ZBTB20: variants seen among roughly 807,000 people sequenced by gnomAD.
ZBTB20 encodes the protein zinc finger and BTB domain containing 20.
A neutral mutation model predicts 56.9 loss-of-function variants in ZBTB20; 9 were observed. The ratio of observed to expected loss-of-function variants is 0.16; its 90% confidence interval spans 0.10 to 0.28. ZBTB20 has a LOEUF of 0.28. Ranked by LOEUF, ZBTB20 falls within the 10% of genes least tolerant of loss-of-function variation. The pLI is 1.00. For missense variants in ZBTB20, 655 were observed against 1,003.0 expected (o/e 0.65, Z 4.69); for synonymous variants, 417 against 420.7 (o/e 0.99, Z 0.11).
chr3:114,700,639 A>G (rs1276258384), intron 5 of ZBTB20, among the ~76,000 whole-genome samples: 1 of 152,118 alleles, frequency 6.6e-6, no homozygotes, highest in Non-Finnish European at 1.5e-5. Context: ...GCAGGAGGAG[A>G]TTCAGAGAAA....
intron 2 of ZBTB20, among the ~76,000 whole-genome samples, chr3:115,065,308 T>G (rs1341217882): frequency 1.3e-5 from 2 of 152,206 alleles, no homozygotes; most frequent in African/African-American, 2.4e-5. Context: ...ATACTTTATT[T>G]CTACTTCAGC....
At chr3:115,141,405 A>G (rs1410068395) in intron 1 of ZBTB20, among the ~76,000 whole-genome samples, 1 of 152,196 alleles carries the variant, frequency 6.6e-6, no homozygotes, top group Non-Finnish European at 1.5e-5. Context: ...AAGACACCCA[A>G]AATTCAGAAT....
chr3:114,482,576 G>A (rs2041679130), intron 7 of ZBTB20, among the ~76,000 whole-genome samples: 1 of 152,006 alleles, frequency 6.6e-6, no homozygotes. Context: ...TTTTTTGGCA[G>A]GGTTTAAAAT....
chr3:114,962,982 G>GT (rs1368306657), intron 3 of ZBTB20, among the ~76,000 whole-genome samples: 1 of 151,806 alleles, frequency 6.6e-6, no homozygotes, highest in Non-Finnish European at 1.5e-5. Flanking sequence ...TTTAAGCCTA[G>GT]TTTTTTTGTA....
chr3:114,684,076 A>C lies in ZBTB20; in HGVS notation c.-295+9452T>G, dbSNP rs146894759. Reference sequence around the variant, plus strand: ...CCTGCATGAAGTCAGACTTTGGGACAGTAAATCCTACACTGTCCAGCTAAG... The same window carrying C: ...CCTGCATGAAGTCAGACTTTGGGACCGTAAATCCTACACTGTCCAGCTAAG... On this transcript the variant is annotated intron_variant, in intron 6 of 11. Transcript: ENST00000675478. 3.2e-3 allele frequency among the ~76,000 whole-genome samples: 489 copies of C among 152,332 alleles called. 3 individuals carry two copies. Among genetic ancestry groups the C allele is most frequent in the African/African-American group, 0.011 (462 of 41,592 alleles).
chr3:114,527,674 T>C (rs2047382629), intron 6 of ZBTB20, among the ~76,000 whole-genome samples: 1 of 152,236 alleles, frequency 6.6e-6, no homozygotes, highest in African/African-American at 2.4e-5. Context: ...TTTAACAACA[T>C]ATATTTACCA....
At chr3:114,403,300 A>G (rs563113072) in intron 7 of ZBTB20, among the ~76,000 whole-genome samples, 2 of 152,254 alleles carry the variant, frequency 1.3e-5, no homozygotes, top group African/African-American at 4.8e-5. Context: ...ACTGAACAAA[A>G]TATCAGTAAA....
At chr3:114,669,044 C>G (rs2061215885) in intron 6 of ZBTB20, among the ~76,000 whole-genome samples, 1 of 152,102 alleles carries the variant, frequency 6.6e-6, no homozygotes, top group African/African-American at 2.4e-5. Context: ...ACTACCAATT[C>G]AGTGGTTCTT....
intron 6 of ZBTB20, among the ~76,000 whole-genome samples, chr3:114,620,344 G>A (rs941656373): frequency 6.6e-6 from 1 of 151,992 alleles, no homozygotes; most frequent in Non-Finnish European, 1.5e-5. Context: ...ACAGGCTGGA[G>A]TGCAATGGCA....
At chr3:114,579,429 G>A (rs2054418320) in intron 6 of ZBTB20, among the ~76,000 whole-genome samples, 1 of 150,884 alleles carries the variant, frequency 6.6e-6, no homozygotes, top group Non-Finnish European at 1.5e-5. Context: ...TGAGAAACCA[G>A]GAGAAAAATT....
chr3:114,718,040 A>C (rs1001180461), intron 5 of ZBTB20, among the ~76,000 whole-genome samples: 19 of 152,140 alleles, frequency 1.2e-4, no homozygotes, highest in Admixed American at 1.2e-3. Context: ...GTGGACTGTC[A>C]GATGTTTTGA....
At chr3:114,714,412 G>A (rs2064312174) in intron 5 of ZBTB20, among the ~76,000 whole-genome samples, 1 of 152,128 alleles carries the variant, frequency 6.6e-6, no homozygotes, top group Admixed American at 6.5e-5. Flanking sequence ...TAAACTGGCT[G>A]AAGCCCAGGT....
At chr3:114,948,004 A>T (rs1439626086) in intron 3 of ZBTB20, among the ~76,000 whole-genome samples, 3 of 145,878 alleles carry the variant, frequency 2.1e-5, no homozygotes, top group Admixed American at 1.3e-4. Context: ...AAGAACATTA[A>T]GAGAAGGTAA....
chr3:114,978,780 T>C (rs1205980584), intron 2 of ZBTB20, among the ~76,000 whole-genome samples: 1 of 151,962 alleles, frequency 6.6e-6, no homozygotes, highest in Non-Finnish European at 1.5e-5. Flanking sequence ...ACAGTTTTTT[T>C]CTTCTTAGAA....
chr3:114,897,925 C>T (rs560305622), intron 4 of ZBTB20, among the ~76,000 whole-genome samples: 6 of 152,180 alleles, frequency 3.9e-5, no homozygotes, highest in Admixed American at 1.3e-4. Context: ...CCACACAAAA[C>T]GGAACATTAG....
intron 7 of ZBTB20, among the ~76,000 whole-genome samples, chr3:114,446,819 T>G (rs2091301690): frequency 6.6e-6 from 1 of 152,106 alleles, no homozygotes; most frequent in Non-Finnish European, 1.5e-5. Context: ...GCAAAGGAAA[T>G]CCAAGTCTTT....
At chr3:114,434,829 G>A (rs1559785177) in intron 7 of ZBTB20, among the ~76,000 whole-genome samples, 1 of 152,050 alleles carries the variant, frequency 6.6e-6, no homozygotes, top group African/African-American at 2.4e-5. Context: ...CGAGATTCAG[G>A]CGCATGGAAA....
intron 7 of ZBTB20, among the ~76,000 whole-genome samples, chr3:114,443,227 C>G (rs998343478): frequency 2.0e-5 from 3 of 152,148 alleles, no homozygotes; most frequent in Non-Finnish European, 4.4e-5. Flanking sequence ...ACACAATTGG[C>G]TTATAACAGA....
chr3:114,780,701 T>A (rs946186882), intron 5 of ZBTB20, among the ~76,000 whole-genome samples: 12 of 152,186 alleles, frequency 7.9e-5, no homozygotes, highest in African/African-American at 2.7e-4. Context: ...TTGGCCAGGA[T>A]GGTCTCGATC....
Sources: gnomAD v4.1 joint callset for allele counts (sites outside exome capture counted in the v4.1 genomes callset) on GRCh38, gnomAD v4.1.1 for gene constraint, MANE v1.5 for transcripts, NCBI Gene and HGNC (gene_info 2026-07-23, HGNC 2026-07-21) for gene names.